DLST: variants seen among roughly 807,000 people sequenced by gnomAD.
DLST encodes dihydrolipoyllysine-residue succinyltransferase component of 2-oxoglutarate dehydrogenase complex, mitochondrial.
Under a neutral mutation model 53.1 loss-of-function variants are expected in DLST, and 17 were observed. The observed-to-expected ratio is 0.32, with a 90% CI of 0.22 to 0.48. The LOEUF (loss-of-function observed/expected upper bound fraction) is 0.48, where lower values mean the gene tolerates loss of function less well. DLST is among the 20% of genes least tolerant of loss of function. The pLI is 0.99. For synonymous variants in DLST, 206 were observed against 204.8 expected, an observed-to-expected ratio of 1.01 and a Z score of -0.05; for missense variants, 512 against 583.9, an observed-to-expected ratio of 0.88 and a Z score of 1.27.
chr14:74,890,913 A>G, intron 6 of DLST, 143 bp from the exon 7 acceptor site: 1 of 1,152,680 alleles, frequency 8.7e-7, no homozygotes, highest in Non-Finnish European at 1.2e-6. Context: ...CCTGACCTCA[A>G]GTGATCCGCC....
At chr14:74,897,393 C>G (rs768704445) in intron 10 of DLST, among the ~76,000 whole-genome samples, 1 of 152,172 alleles carries the variant, frequency 6.6e-6, no homozygotes, top group Non-Finnish European at 1.5e-5. Flanking sequence ...CAATTTTCAT[C>G]GTAGAACTGC....
chr14:74,898,897 T>C (rs558318988), intron 11 of DLST, among the ~76,000 whole-genome samples: 5 of 152,358 alleles, frequency 3.3e-5, no homozygotes, highest in African/African-American at 1.2e-4. Flanking sequence ...CCTTTGATCT[T>C]AGGTCGATGG....
chr14:74,891,516 T>C (rs940776127), intron 7 of DLST: 1 of 997,300 alleles, frequency 1.0e-6, no homozygotes, highest in South Asian at 4.4e-5. Context: ...TCTGAAATGC[T>C]TCAAAACTTT....
chr14:74,898,311 C>G (rs1197400212), intron 10 of DLST, 58 bp from the exon 11 acceptor site: 6 of 1,585,788 alleles, frequency 3.8e-6, no homozygotes, highest in Non-Finnish European at 4.3e-6. Flanking sequence ...ATTGAGAAAC[C>G]TGTGTGAAAG....
At chr14:74,883,722 AAG>A (rs1313465172) in intron 2 of DLST, among the ~76,000 whole-genome samples, 2 of 152,226 alleles carry the variant, frequency 1.3e-5, no homozygotes, top group Non-Finnish European at 2.9e-5. Context: ...AACCCAAGAC[AAG>A]AGAGCTTAAA....
intron 3 of DLST, 169 bp from the exon 4 acceptor site, chr14:74,888,926 G>A (rs1663079980): frequency 6.1e-6 from 4 of 653,926 alleles, no homozygotes; most frequent in African/African-American, 1.8e-5. Flanking sequence ...ATCCCTGGGG[G>A]AGAGGCCTAG....
chr14:74,889,278 A>G lies in DLST; in HGVS notation c.203A>G (p.Asp68Gly), dbSNP rs200375753. ...RFFRTTAVCK[D>G]DLVTVKTPAF... is the part of the protein sequence containing the mutation. ...TTCTTTTTTGCATTTTTCCTAGAGGATGACTTGGTTACAGTCAAAACCCCA... is the reference window on the plus strand; with the variant it reads ...TTCTTTTTTGCATTTTTCCTAGAGGGTGACTTGGTTACAGTCAAAACCCCA... The change falls in exon 5 of 15, where the codon GAT becomes GGT. Residue 68 changes from aspartate (D) to glycine (G), a missense_variant. By Grantham distance (94) the Asp-to-Gly change is moderately conservative. This residue lies in a region of DLST where 129 missense variants were observed against 90.9 expected (regional missense o/e 1.42). Transcript: ENST00000334220. 38 of 1,612,250 alleles carry G rather than the reference A, an allele frequency of 2.4e-5. No individual in the cohort carries two copies. The East Asian group carries it at 8.2e-4, about 35-fold the overall frequency.
intron 10 of DLST, among the ~76,000 whole-genome samples, chr14:74,897,393 C>T (rs768704445): frequency 1.3e-5 from 2 of 152,172 alleles, no homozygotes; most frequent in Non-Finnish European, 2.9e-5. Context: ...CAATTTTCAT[C>T]GTAGAACTGC....
chr14:74,891,010 T>G (rs1208204733), intron 6 of DLST, 46 bp from the exon 7 acceptor site: 2 of 1,585,532 alleles, frequency 1.3e-6, no homozygotes, highest in Non-Finnish European at 1.7e-6. Flanking sequence ...AATTTTCTAA[T>G]GCTGGATAAA....
chr14:74,892,523 T>C (rs10146501), intron 7 of DLST, among the ~76,000 whole-genome samples: 12,516 of 141,758 alleles, frequency 0.088, 658 homozygotes, highest in African/African-American at 0.15. Flanking sequence ...TTTTTTTTTT[T>C]CCTTGGAAGT....
intron 3 of DLST, chr14:74,885,950 C>T (rs1883688758): frequency 7.9e-6 from 2 of 254,422 alleles, no homozygotes; most frequent in African/African-American, 2.3e-5. Context: ...GATGTAAGTG[C>T]AGCTGAAAGG....
At chr14:74,901,020 G>A in intron 13 of DLST, 46 bp from the exon 14 acceptor site, 1 of 1,598,066 alleles carries the variant, frequency 6.3e-7, no homozygotes, top group Non-Finnish European at 8.5e-7. Flanking sequence ...TTTAGGTGAA[G>A]GAAACTGGGT....
chr14:74,899,969 C>G lies in DLST; in HGVS notation c.948C>G (p.Asp316Glu). Reference protein sequence around the residue: ...TKEVVYRDYIDISVAVATPRG... With the variant: ...TKEVVYRDYIEISVAVATPRG... The stretch of plus-strand genomic sequence containing the variant: ...AGGTGGTGTATAGGGATTATATTGA[C>G]ATCAGTGTTGCAGTGGCCACCCCAC... Residue 316 changes from aspartate (D) to glutamate (E), a missense_variant, in exon 12 of 15, where the codon GAC becomes GAG. This residue lies in a region of DLST where 186 missense variants were observed against 260.4 expected (regional missense o/e 0.71). Transcript: ENST00000334220. 1 of 1,613,818 alleles carries G rather than the reference C, an allele frequency of 6.2e-7. No homozygotes were observed.
chr14:74,891,117 G>C lies in DLST; in HGVS notation c.392G>C (p.Gly131Ala), dbSNP rs1397741962. 6.2e-7 allele frequency: 1 copy of C among 1,613,960 alleles called. No homozygotes were observed. Among genetic ancestry groups the C allele is most frequent in the Admixed American group, 1.7e-5 (1 of 60,004 alleles). ...GVIEALLVPD[G>A]GKVEGGTPLF... The stretch of plus-strand genomic sequence containing the variant: ...ATTGAAGCTCTTTTGGTACCTGATG[G>C]GGGAAAAGTCGAAGGAGGCACTCCA... Residue 131 changes from glycine to alanine, a missense_variant, in exon 7 of 15, where the codon GGG (glycine) becomes GCG (alanine). Gly to Ala is a moderately conservative substitution (Grantham distance 60). This residue lies in a region of DLST where 35 missense variants were observed against 70.5 expected (regional missense o/e 0.50). Transcript: ENST00000334220.
chr14:74,882,978 C>G (rs1883580690), intron 2 of DLST, among the ~76,000 whole-genome samples: 1 of 152,176 alleles, frequency 6.6e-6, no homozygotes, highest in Admixed American at 6.5e-5. Flanking sequence ...ACAGAAGAGC[C>G]CTTTTTGAGG....
At chr14:74,901,028 G>A in intron 13 of DLST, 38 bp from the exon 14 acceptor site, 2 of 1,605,572 alleles carry the variant, frequency 1.2e-6, no homozygotes, top group Non-Finnish European at 1.7e-6. Context: ...AAGGAAACTG[G>A]GTTGGCTTGA....
At chr14:74,896,650 C>G (rs560278993) in intron 10 of DLST, among the ~76,000 whole-genome samples, 1 of 152,316 alleles carries the variant, frequency 6.6e-6, no homozygotes, top group East Asian at 1.9e-4. Flanking sequence ...AAAGATTTCT[C>G]TCTTGTTCAT....
In DLST at chr14:74,889,121, G is replaced by A. The variant is rs766708231; in HGVS notation, c.173G>A (p.Arg58His). The change falls in exon 4 of 15, where the codon CGC (arginine) becomes CAC (histidine). Residue 58 changes from arginine (R) to histidine (H), a missense_variant. By Grantham distance (29) the Arg-to-His change is conservative. This residue lies in a region of DLST where 129 missense variants were observed against 90.9 expected (regional missense o/e 1.42). Coordinates refer to ENST00000334220, the MANE Select transcript of DLST (RefSeq NM_001933.5). ...VVINNSVFSVRFFRTTAVCKD... is the reference protein window; with the variant it reads ...VVINNSVFSVHFFRTTAVCKD... ...ATTAACAACAGTGTCTTCAGTGTTC[G>A]CTTTTTCAGAACTACAGCTGTATGC... The A allele has an allele frequency of 6.8e-6, 11 of 1,614,028 alleles. No homozygotes were observed. The highest frequency in any genetic ancestry group is 7.6e-6 in the Non-Finnish European group (9 of 1,180,044).
chr14:74,885,713 G>T (rs1286586431), intron 3 of DLST, 79 bp downstream of exon 3: 5 of 1,391,116 alleles, frequency 3.6e-6, no homozygotes, highest in South Asian at 2.7e-5. Context: ...TTGACCATCT[G>T]ATTTCTTCAC....
Sources: allele counts gnomAD v4.1 joint callset (sites outside exome capture counted in the v4.1 genomes callset), GRCh38; gene constraint gnomAD v4.1.1; regional missense constraint gnomAD v4.1.1; transcripts MANE v1.5; gene names NCBI Gene and HGNC (gene_info 2026-07-23, HGNC 2026-07-21).